GPC5: variants seen among roughly 807,000 people sequenced by gnomAD.
The protein encoded by GPC5 is glypican 5.
In GPC5, 47 loss-of-function variants were observed where a neutral mutation model predicts 53.9. That is an observed-to-expected ratio of 0.87 (90% CI 0.69 to 1.11). The LOEUF (loss-of-function observed/expected upper bound fraction) is 1.11, where lower values mean the gene tolerates loss of function less well. Ranked by LOEUF, GPC5 falls within the 50% of genes most tolerant of loss-of-function variation. The pLI, the probability that GPC5 is intolerant of heterozygous loss-of-function variation, is 0.00. For synonymous variants in GPC5, 286 were observed against 263.3 expected, an observed-to-expected ratio of 1.09 and a Z score of -0.84; for missense variants, 748 against 713.1, an observed-to-expected ratio of 1.05 and a Z score of -0.56.
At chr13:91,890,027 C>G (rs1015699989) in intron 5 of GPC5, among the ~76,000 whole-genome samples, 4 of 152,026 alleles carry the variant, frequency 2.6e-5, no homozygotes, top group African/African-American at 9.7e-5. Context: ...TGTGTGCATT[C>G]AGGGAGGTAA....
intron 6 of GPC5, among the ~76,000 whole-genome samples, chr13:92,006,838 G>A (rs1566390456): frequency 6.6e-6 from 1 of 152,080 alleles, no homozygotes; most frequent in Admixed American, 6.5e-5. Flanking sequence ...TATAGATTTG[G>A]AGAATGATCG....
chr13:92,385,954 T>C (rs1874695038), intron 7 of GPC5, among the ~76,000 whole-genome samples: 2 of 151,662 alleles, frequency 1.3e-5, no homozygotes, highest in African/African-American at 2.4e-5. Context: ...GAAGAGCTTA[T>C]ACCCCATAAA....
At chr13:92,286,578 C>G (rs1245418381) in intron 7 of GPC5, among the ~76,000 whole-genome samples, 1 of 152,134 alleles carries the variant, frequency 6.6e-6, no homozygotes, top group Non-Finnish European at 1.5e-5. Flanking sequence ...AGTTCATATC[C>G]TTTGTAGGGA....
At chr13:92,200,917 T>C (rs900390661) in intron 7 of GPC5, among the ~76,000 whole-genome samples, 1 of 151,950 alleles carries the variant, frequency 6.6e-6, no homozygotes, top group Non-Finnish European at 1.5e-5. Flanking sequence ...AGGACACATT[T>C]CCCAGAATAA....
intron 5 of GPC5, among the ~76,000 whole-genome samples, chr13:91,761,323 G>T (rs1316331001): frequency 6.6e-6 from 1 of 151,962 alleles, no homozygotes; most frequent in African/African-American, 2.4e-5. Context: ...TTATACCACC[G>T]CAACAATCAT....
rs1005147296 is a variant in GPC5, at chr13:92,203,637, T to TAA, written c.1561+58654_1561+58655dup. On this transcript the variant is annotated intron_variant, in intron 7 of 7. Coordinates refer to ENST00000377067, the MANE Select transcript of GPC5 (RefSeq NM_004466.6). ...ATGTACCCTAAAACTTAGAGTATAATAAAAAAATATATATATATAAAAAAA... is the reference window on the plus strand; with the variant it reads ...ATGTACCCTAAAACTTAGAGTATAATAAAAAAAAATATATATATATAAAAAAA... Among the ~76,000 whole-genome samples, 1,190 of 124,594 alleles carry TAA rather than the reference T, an allele frequency of 9.6e-3. 46 individuals carry two copies. The highest frequency in any genetic ancestry group is 0.081 in the Admixed American group (932 of 11,512). 81.7% of individuals were successfully genotyped at this position (124,594 alleles called of 152,430 possible).
chr13:92,252,056 T>C (rs1304841614), intron 7 of GPC5, among the ~76,000 whole-genome samples: 1 of 152,136 alleles, frequency 6.6e-6, no homozygotes, highest in Non-Finnish European at 1.5e-5. Flanking sequence ...TCTGAAGAGA[T>C]AAAGTATCTG....
At chr13:92,591,360 T>C (rs1883706097) in intron 7 of GPC5, among the ~76,000 whole-genome samples, 1 of 152,180 alleles carries the variant, frequency 6.6e-6, no homozygotes, top group South Asian at 2.1e-4. Flanking sequence ...GTTATGGCTG[T>C]ATCTCATCAA....
At chr13:92,145,773 A>G (rs1432236100) in intron 7 of GPC5, among the ~76,000 whole-genome samples, 2 of 152,190 alleles carry the variant, frequency 1.3e-5, no homozygotes, top group Non-Finnish European at 2.9e-5. Context: ...AATCTTGATT[A>G]TACCAAAGGC....
intron 7 of GPC5, among the ~76,000 whole-genome samples, chr13:92,417,712 G>C (rs191048185): frequency 2.0e-5 from 3 of 152,082 alleles, no homozygotes; most frequent in Admixed American, 6.5e-5. Flanking sequence ...ATCTCTACCT[G>C]CTCCCAAGCC....
At chr13:92,346,877 GAT>G (rs550588018) in intron 7 of GPC5, among the ~76,000 whole-genome samples, 2 of 152,132 alleles carry the variant, frequency 1.3e-5, no homozygotes, top group Non-Finnish European at 2.9e-5. Context: ...AAATCCCAGA[GAT>G]GAGGAATGCA....
At chr13:91,971,788 C>T (rs979776653) in intron 6 of GPC5, among the ~76,000 whole-genome samples, 1 of 152,198 alleles carries the variant, frequency 6.6e-6, no homozygotes, top group Non-Finnish European at 1.5e-5. Flanking sequence ...GAGTGAGTTT[C>T]TTAATCCTGA....
At chr13:92,690,665 T>C (rs1238158723) in intron 7 of GPC5, among the ~76,000 whole-genome samples, 1 of 144,058 alleles carries the variant, frequency 6.9e-6, no homozygotes, top group African/African-American at 2.6e-5. Context: ...GTTTCCAGTT[T>C]TTCTGTTCTG....
intron 6 of GPC5, among the ~76,000 whole-genome samples, chr13:92,069,614 T>A (rs1478236282): frequency 6.6e-6 from 1 of 152,150 alleles, no homozygotes; most frequent in Admixed American, 6.5e-5. Context: ...CTATTGAACA[T>A]GCCATAGAAT....
At chr13:92,499,818 G>A (rs1014262534) in intron 7 of GPC5, among the ~76,000 whole-genome samples, 7 of 152,068 alleles carry the variant, frequency 4.6e-5, no homozygotes, top group Non-Finnish European at 8.8e-5. Context: ...CAAAGATCAG[G>A]CTAAGTCTTC....
At chr13:92,197,937 A>T (rs2139056199) in intron 7 of GPC5, among the ~76,000 whole-genome samples, 1 of 152,208 alleles carries the variant, frequency 6.6e-6, no homozygotes. Flanking sequence ...CATTGCAGCC[A>T]TGTGGGCCTT....
intron 1 of GPC5, among the ~76,000 whole-genome samples, chr13:91,415,867 T>A (rs1878182851): frequency 6.6e-6 from 1 of 152,180 alleles, no homozygotes; most frequent in South Asian, 2.1e-4. Context: ...CATTTCTTCC[T>A]GTGTGCTCCC....
At chr13:92,038,673 TATAGATAGATAGATAGATAGATAG>T (rs56923365) in intron 6 of GPC5, among the ~76,000 whole-genome samples, 1 of 147,814 alleles carries the variant, frequency 6.8e-6, no homozygotes, top group Non-Finnish European at 1.5e-5. Flanking sequence ...TACAAATCTA[TATAGATAGATAGATAGATAGATAG>T]ATAGATAGAT....
intron 7 of GPC5, among the ~76,000 whole-genome samples, chr13:92,556,259 A>C (rs530239404): frequency 6.6e-6 from 1 of 151,924 alleles, no homozygotes; most frequent in African/African-American, 2.4e-5. Context: ...CTGCCAACTT[A>C]TTTAACAAAA....
Sources: allele counts gnomAD v4.1 joint callset (sites outside exome capture counted in the v4.1 genomes callset), GRCh38; gene constraint gnomAD v4.1.1; transcripts MANE v1.5; gene names NCBI Gene and HGNC (gene_info 2026-07-23, HGNC 2026-07-21).